PCDH15: variants seen among roughly 807,000 people sequenced by gnomAD.
The protein encoded by PCDH15 is protocadherin related 15, also known as protocadherin-15.
Under a neutral mutation model 178.5 loss-of-function variants are expected in PCDH15, and 129 were observed. That is an observed-to-expected ratio of 0.72 (90% CI 0.63 to 0.84). PCDH15 has a LOEUF of 0.84. PCDH15 is among the 40% of genes least tolerant of loss of function. PCDH15 has a pLI of 0.00. For synonymous variants in PCDH15, 800 were observed against 732.0 expected, an observed-to-expected ratio of 1.09 and a Z score of -1.50; for missense variants, 2,230 against 2,099.9, an observed-to-expected ratio of 1.06 and a Z score of -1.21.
rs536112666 is a variant in PCDH15, at chr10:55,622,900, T to G, written c.-156+4725A>C. Among the ~76,000 whole-genome samples the G allele has an allele frequency of 2.6e-5, 4 of 152,270 alleles. No individual in the cohort carries two copies. In the South Asian group the frequency reaches 8.3e-4, roughly 32 times the overall value. On this transcript the variant is annotated intron_variant, in intron 2 of 5. Transcript: ENST00000613346. ...GGATTTGCTCTCTGTACCACAGAGC[T>G]GTCTTCTAGTCTAATCCCACTCATA...
At chr10:54,270,260 C>T (rs1386633733) in intron 8 of PCDH15, among the ~76,000 whole-genome samples, 2 of 152,010 alleles carry the variant, frequency 1.3e-5, no homozygotes, top group Non-Finnish European at 2.9e-5. Flanking sequence ...ATCATACATC[C>T]TAAACCAAAC....
intron 2 of PCDH15, among the ~76,000 whole-genome samples, chr10:55,082,993 A>G (rs1234142302): frequency 6.6e-6 from 1 of 151,986 alleles, no homozygotes; most frequent in Non-Finnish European, 1.5e-5. Flanking sequence ...TACCAGTCCT[A>G]CTCAAACTAT....
chr10:54,861,194 A>G (rs1953836165), intron 3 of PCDH15, among the ~76,000 whole-genome samples: 1 of 152,132 alleles, frequency 6.6e-6, no homozygotes, highest in Non-Finnish European at 1.5e-5. Flanking sequence ...CTACAGAATC[A>G]AAGTAAAGGC....
chr10:54,908,021 G>A (rs1359653258), intron 2 of PCDH15, among the ~76,000 whole-genome samples: 1 of 152,118 alleles, frequency 6.6e-6, no homozygotes, highest in African/African-American at 2.4e-5. Flanking sequence ...AAACACACAG[G>A]CTACAGAGAC....
chr10:54,569,065 A>G (rs9633605), intron 2 of PCDH15, among the ~76,000 whole-genome samples: 142,026 of 151,684 alleles, frequency 0.94, 66,767 homozygotes, highest in Middle Eastern at 0.98. Flanking sequence ...ATGTTTTCAG[A>G]GACCATAGAA....
intron 16 of PCDH15, among the ~76,000 whole-genome samples, chr10:54,084,082 A>G (rs2094477221): frequency 4.0e-5 from 2 of 49,486 alleles, no homozygotes; most frequent in Non-Finnish European, 7.4e-5. Context: ...TTTAATGTGC[A>G]CTTTTTTTTT....
At chr10:54,117,265 G>A (rs2095130903) in intron 15 of PCDH15, among the ~76,000 whole-genome samples, 1 of 136,970 alleles carries the variant, frequency 7.3e-6, no homozygotes, top group African/African-American at 2.6e-5. Context: ...GCAGCTCCAG[G>A]TGCCAGTATA....
At chr10:54,087,401 C>T (rs1324479124) in intron 16 of PCDH15, among the ~76,000 whole-genome samples, 3 of 152,084 alleles carry the variant, frequency 2.0e-5, no homozygotes, top group African/African-American at 4.8e-5. Flanking sequence ...TAATATAATA[C>T]GTGCTCTTTT....
intron 2 of PCDH15, among the ~76,000 whole-genome samples, chr10:55,565,652 T>C (rs1842286713): frequency 6.6e-6 from 1 of 151,448 alleles, no homozygotes. Flanking sequence ...GAAATGAAAA[T>C]GGTGACTTTG....
Position 55,397,244 on chromosome 10 carries a change from A to G in PCDH15, c.-156+230381T>C, listed in dbSNP as rs373623079. ...GGACAATTGAATAATCAGCCTCTAT[A>G]TTTTCAAAGTTGTTCTACATTGAGA... On this transcript the variant is annotated intron_variant, in intron 2 of 5. Transcript: ENST00000613346. Among the ~76,000 whole-genome samples the G allele has an allele frequency of 5.3e-5, 8 of 152,268 alleles. No individual in the cohort carries two copies. In the East Asian group the frequency reaches 1.2e-3, roughly 22 times the overall value.
intron 1 of PCDH15, among the ~76,000 whole-genome samples, chr10:55,172,550 T>C (rs1379145650): frequency 6.6e-6 from 1 of 152,028 alleles, no homozygotes; most frequent in East Asian, 1.9e-4. Context: ...TATAAATCAT[T>C]ATAACACCAT....
At chr10:54,743,151 G>A (rs976509122) in intron 1 of PCDH15, among the ~76,000 whole-genome samples, 9 of 151,886 alleles carry the variant, frequency 5.9e-5, no homozygotes, top group Middle Eastern at 3.2e-3. Flanking sequence ...AGTGAAAATC[G>A]GGATATATTT....
chr10:55,324,978 C>T (rs1843993773), intron 2 of PCDH15, among the ~76,000 whole-genome samples: 1 of 151,760 alleles, frequency 6.6e-6, no homozygotes. Context: ...ACAATTGCCA[C>T]AAGAAGAATG....
intron 2 of PCDH15, among the ~76,000 whole-genome samples, chr10:55,000,518 T>C (rs1210660816): frequency 6.6e-6 from 1 of 152,104 alleles, no homozygotes; most frequent in African/African-American, 2.4e-5. Flanking sequence ...GGTAACACAA[T>C]CATCACAGGG....
chr10:54,152,387 A>C (rs560223009), intron 14 of PCDH15, among the ~76,000 whole-genome samples: 1 of 152,066 alleles, frequency 6.6e-6, no homozygotes, highest in Non-Finnish European at 1.5e-5. Flanking sequence ...CTTATTAAGG[A>C]ATATGTTTAT....
intron 2 of PCDH15, among the ~76,000 whole-genome samples, chr10:55,463,471 C>G (rs1320323067): frequency 1.3e-5 from 2 of 151,882 alleles, no homozygotes; most frequent in East Asian, 3.9e-4. Flanking sequence ...CAAAGCAAAA[C>G]CTTGTCTCTA....
At chr10:55,444,614 A>G (rs1839274540) in intron 2 of PCDH15, among the ~76,000 whole-genome samples, 1 of 152,312 alleles carries the variant, frequency 6.6e-6, no homozygotes, top group East Asian at 1.9e-4. Flanking sequence ...TAGGTAATAA[A>G]GTAAAACAAA....
intron 2 of PCDH15, among the ~76,000 whole-genome samples, chr10:55,039,180 T>C (rs1840807184): frequency 6.6e-6 from 1 of 151,790 alleles, no homozygotes; most frequent in Non-Finnish European, 1.5e-5. Flanking sequence ...AAAAAACATG[T>C]AAATCTCTCC....
chr10:54,804,201 A>G (rs1268900083), upstream of PCDH15, among the ~76,000 whole-genome samples: 5 of 151,990 alleles, frequency 3.3e-5, no homozygotes, highest in South Asian at 2.1e-4. Context: ...CACCACGCCC[A>G]GCTAATTTTT....
Sources: gnomAD v4.1 joint callset for allele counts (sites outside exome capture counted in the v4.1 genomes callset) on GRCh38, gnomAD v4.1.1 for gene constraint, MANE v1.5 for transcripts, NCBI Gene and HGNC (gene_info 2026-07-23, HGNC 2026-07-21) for gene names.